KIAA0513: variants seen among roughly 807,000 people sequenced by gnomAD.
KIAA0513 encodes KIAA0513.
In KIAA0513, 39 loss-of-function variants were observed where a neutral mutation model predicts 56.5. That is an observed-to-expected ratio of 0.69 (90% CI 0.53 to 0.90). The LOEUF is 0.90. Ranked by LOEUF, KIAA0513 falls within the 40% of genes least tolerant of loss-of-function variation. KIAA0513 has a pLI of 0.00. For missense variants in KIAA0513, 591 were observed against 535.2 expected (o/e 1.10, Z -1.03); for synonymous variants, 268 against 215.6 (o/e 1.24, Z -2.13).
In KIAA0513 at chr16:85,076,056, G is replaced by T. The variant is rs948854112; in HGVS notation, c.574+142G>T. 1 of 644,646 alleles carries T rather than the reference G, an allele frequency of 1.6e-6. No individual in the cohort carries two copies. The highest frequency in any genetic ancestry group is 2.8e-6 in the Non-Finnish European group (1 of 358,648). 39.9% of individuals were successfully genotyped at this position (644,646 alleles called of 1,614,324 possible). A position where few individuals can be genotyped will look rare whatever the true frequency, so the allele number is the denominator to read the frequency against. On this transcript the variant is annotated intron_variant, in intron 5 of 12. Transcript: ENST00000683363. This position sits in a 1 kb window ranked among gnomAD's most constrained non-coding sequence, Gnocchi z 4.7. Reference sequence around the variant, plus strand: ...GAGGAAGCTGATGTTAGGGAGGAGTGAGACTTCGGAGAAAACACAGTCCGA... The same window carrying T: ...GAGGAAGCTGATGTTAGGGAGGAGTTAGACTTCGGAGAAAACACAGTCCGA...
chr16:85,035,036 C>G (rs796259747), intron 1 of KIAA0513, among the ~76,000 whole-genome samples: 24 of 152,350 alleles, frequency 1.6e-4, no homozygotes, highest in African/African-American at 4.8e-4. Context: ...CTCTGCCCCC[C>G]TTCCCCAGGC....
chr16:85,074,818 G>A (rs1226523740), intron 4 of KIAA0513, among the ~76,000 whole-genome samples: 1 of 152,110 alleles, frequency 6.6e-6, no homozygotes, highest in Admixed American at 6.6e-5. Context: ...GCAGTCACAG[G>A]CATTTTCATG....
intron 1 of KIAA0513, among the ~76,000 whole-genome samples, chr16:85,039,387 C>T (rs1000035136): frequency 1.3e-5 from 2 of 152,204 alleles, no homozygotes; most frequent in African/African-American, 4.8e-5. Flanking sequence ...CCTGCAGCCT[C>T]AACCTCCTGG....
intron 1 of KIAA0513, among the ~76,000 whole-genome samples, chr16:85,055,813 C>G (rs954801805): frequency 1.3e-5 from 2 of 152,188 alleles, no homozygotes; most frequent in African/African-American, 4.8e-5. Flanking sequence ...CAGAGAGTTC[C>G]TCTGTAAAGC....
In KIAA0513 at chr16:85,067,190, A is replaced by G. The variant is rs149823373; in HGVS notation, c.119A>G (p.Asp40Gly). ...CAGGACGGCGATGGCTCCCTGGGGG[A>G]CGGTGCATCAGAGAGTGAGACCACT... ...VLQDGDGSLG[D>G]GASESETTES... Residue 40 changes from aspartate to glycine, a missense_variant, in exon 2 of 13, where the codon GAC (aspartate) becomes GGC (glycine). Transcript: ENST00000683363. 5.4e-5 allele frequency: 87 copies of G among 1,613,992 alleles called. No individual in the cohort carries two copies. In the African/African-American group the frequency reaches 9.1e-4, roughly 17 times the overall value.
chr16:85,031,501 ACTCTTG>A (rs1189667274), intron 1 of KIAA0513, among the ~76,000 whole-genome samples: 1 of 151,594 alleles, frequency 6.6e-6, no homozygotes, highest in Non-Finnish European at 1.5e-5. Context: ...TCGTTTAAAA[ACTCTTG>A]AGTTAAATCT....
chr16:85,034,700 C>A (rs532049974), intron 1 of KIAA0513, among the ~76,000 whole-genome samples: 8 of 152,288 alleles, frequency 5.3e-5, no homozygotes, highest in Admixed American at 1.3e-4. Flanking sequence ...TCTGTCCACG[C>A]CCAGCTGTGT....
intron 1 of KIAA0513, among the ~76,000 whole-genome samples, chr16:85,042,392 A>G (rs1171918009): frequency 1.3e-5 from 2 of 152,114 alleles, no homozygotes; most frequent in Non-Finnish European, 2.9e-5. Flanking sequence ...TACTGCAGCT[A>G]TGTAAAGGGT....
chr16:85,046,206 C>T (rs939941518), intron 1 of KIAA0513, among the ~76,000 whole-genome samples: 3 of 152,210 alleles, frequency 2.0e-5, no homozygotes, highest in Non-Finnish European at 4.4e-5. Flanking sequence ...TACCACGCGC[C>T]ATGCCTTTCT....
intron 10 of KIAA0513, among the ~76,000 whole-genome samples, chr16:85,082,884 T>C (rs1036856919): frequency 3.0e-4 from 45 of 152,222 alleles, no homozygotes; most frequent in Non-Finnish European, 4.9e-4. Context: ...CAGCATGAGC[T>C]CGAGAGGCAA....
chr16:85,083,444 C>T (rs770132580), intron 10 of KIAA0513, among the ~76,000 whole-genome samples: 3 of 152,162 alleles, frequency 2.0e-5, no homozygotes, highest in Non-Finnish European at 4.4e-5. Flanking sequence ...CAAAGGAGGA[C>T]TTAGGCCTAA....
chr16:85,068,695 G>C (rs1355444264), intron 2 of KIAA0513, among the ~76,000 whole-genome samples: 1 of 152,146 alleles, frequency 6.6e-6, no homozygotes, highest in Admixed American at 6.5e-5. Flanking sequence ...TCGAACTCCT[G>C]ACTTCAGGTG....
Position 85,067,033 on chromosome 16 carries a change from C to A in KIAA0513, c.-39C>A. On this transcript the variant is annotated 5_prime_UTR_variant, in exon 2 of 13. Transcript: ENST00000683363. The stretch of plus-strand genomic sequence containing the variant: ...GCTGCTGGGCTCCCCTCTAGGCAGC[C>A]TCCCCTCCAGGCAGCCTCACCAGCA... The A allele has an allele frequency of 2.7e-6, 4 of 1,504,906 alleles. No homozygotes were observed. The highest frequency in any genetic ancestry group is 3.5e-6 in the Non-Finnish European group (4 of 1,128,526). The allele number at this position is 1,504,906 out of a possible 1,614,324, so 93.2% of individuals were successfully genotyped here.
chr16:85,083,035 C>T (rs1288907778), intron 10 of KIAA0513, among the ~76,000 whole-genome samples: 2 of 152,236 alleles, frequency 1.3e-5, no homozygotes, highest in East Asian at 3.9e-4. Context: ...CCCGGCTCAT[C>T]TGGGAAGCCA....
At chr16:85,056,651 C>T (rs62049872) in intron 1 of KIAA0513, among the ~76,000 whole-genome samples, 24,165 of 152,108 alleles carry the variant, frequency 0.16, 2,419 homozygotes, top group South Asian at 0.22. Context: ...GCCCTTTGTT[C>T]ACTGGTTACG....
chr16:85,040,109 C>T (rs1567521584), intron 1 of KIAA0513, among the ~76,000 whole-genome samples: 1 of 152,160 alleles, frequency 6.6e-6, no homozygotes, highest in Non-Finnish European at 1.5e-5. Flanking sequence ...GCTGGGATTA[C>T]AGGCATGAGC....
intron 1 of KIAA0513, among the ~76,000 whole-genome samples, chr16:85,030,401 C>T (rs1299289531): frequency 6.6e-6 from 1 of 152,066 alleles, no homozygotes; most frequent in Non-Finnish European, 1.5e-5. Flanking sequence ...TTATTCGAAA[C>T]CGTTTTTTAT....
chr16:85,075,822 T>A (rs1372577261), intron 4 of KIAA0513, 22 bp from the exon 5 acceptor site: 5 of 1,610,764 alleles, frequency 3.1e-6, no homozygotes, highest in Non-Finnish European at 4.2e-6. Context: ...TCTTTAGCCA[T>A]GAGCCTTGCC....
intron 1 of KIAA0513, among the ~76,000 whole-genome samples, chr16:85,051,385 C>T (rs990826792): frequency 3.3e-5 from 5 of 152,166 alleles, no homozygotes; most frequent in African/African-American, 9.7e-5. Context: ...TGGAGAAGAA[C>T]TGCATTAAGC....
Sources: gnomAD v4.1 joint callset for allele counts (sites outside exome capture counted in the v4.1 genomes callset) on GRCh38, gnomAD v4.1.1 for gene constraint, Gnocchi (gnomAD v3.1) non-coding constraint, MANE v1.5 for transcripts, NCBI Gene and HGNC (gene_info 2026-07-23, HGNC 2026-07-21) for gene names.